The following FBXW4 variants were observed in gnomAD, a reference collection of about 807,000 sequenced individuals.
FBXW4 encodes F-box and WD repeat domain containing 4.
A neutral mutation model predicts 61.8 loss-of-function variants in FBXW4; 40 were observed. The observed-to-expected ratio is 0.65, with a 90% CI of 0.50 to 0.84. The LOEUF is 0.84. Among genes scored for constraint, FBXW4 ranks in the 40% least tolerant of loss-of-function variants. FBXW4 has a pLI of 0.00. For missense variants in FBXW4, 672 were observed against 753.8 expected (o/e 0.89, Z 1.27); for synonymous variants, 311 against 313.8 (o/e 0.99, Z 0.10).
At chr10:101,625,135 C>T (rs1210873551) in intron 5 of FBXW4, 3 of 300,942 alleles carry the variant, frequency 1.0e-5, no homozygotes, top group Non-Finnish European at 1.9e-5. Context: ...GAGAGCGAGC[C>T]TGTCGGGCTC....
rs934045126 is a variant in FBXW4, at chr10:101,624,808, G to C, written c.1238C>G (p.Ser413Cys). Residue 413 changes from serine (S) to cysteine (C), a missense_variant and splice_region_variant, in exon 6 of 9, where the codon TCT (serine) becomes TGT (cysteine). Coordinates refer to ENST00000331272, the MANE Select transcript of FBXW4 (RefSeq NM_022039.4). ...WSIAISPLLS[S>C]FVTGTACCGH... ...GCAACAAGCCGTCCCTGTCACAAAA[G>C]AGCTGCCAAACAAAAGGAGAACAAA... 8.1e-6 allele frequency: 13 copies of C among 1,614,146 alleles called. No homozygotes were observed. Among genetic ancestry groups the C allele is most frequent in the African/African-American group, 2.7e-5 (2 of 74,958 alleles).
intron 6 of FBXW4, 33 bp downstream of exon 6, chr10:101,624,712 C>T: frequency 6.2e-7 from 1 of 1,612,796 alleles, no homozygotes; most frequent in Non-Finnish European, 8.5e-7. Flanking sequence ...ACCTCCTGGA[C>T]TGGAAGCCAG....
At chr10:101,646,598 C>G (rs1024881727) in intron 5 of FBXW4, among the ~76,000 whole-genome samples, 6 of 152,206 alleles carry the variant, frequency 3.9e-5, no homozygotes, top group Non-Finnish European at 2.9e-5. Flanking sequence ...GCCGGGAAGG[C>G]CAGGGGACGC....
At chr10:101,683,910 G>A (rs952577305) in intron 1 of FBXW4, among the ~76,000 whole-genome samples, 1 of 152,210 alleles carries the variant, frequency 6.6e-6, no homozygotes, top group Non-Finnish European at 1.5e-5. Flanking sequence ...CCAGGCCAAG[G>A]AGGGGAAAAC....
chr10:101,679,728 C>T (rs1239535814), intron 1 of FBXW4, among the ~76,000 whole-genome samples: 2 of 151,946 alleles, frequency 1.3e-5, no homozygotes, highest in Non-Finnish European at 2.9e-5. Context: ...TTTTCTTTTT[C>T]CTTTTTAAAA....
At chr10:101,671,450 C>A (rs1458080636) in intron 4 of FBXW4, among the ~76,000 whole-genome samples, 2 of 151,970 alleles carry the variant, frequency 1.3e-5, no homozygotes, top group Non-Finnish European at 1.5e-5. Context: ...TGAAATTAAC[C>A]CAGTATCTCA....
chr10:101,642,660 G>A (rs1377311793), intron 5 of FBXW4, among the ~76,000 whole-genome samples: 4 of 152,174 alleles, frequency 2.6e-5, no homozygotes, highest in Admixed American at 6.5e-5. Context: ...TTCTACCTCT[G>A]AAGCCTCCTT....
chr10:101,675,348 C>T (rs773907681), intron 2 of FBXW4, among the ~76,000 whole-genome samples: 1 of 152,116 alleles, frequency 6.6e-6, no homozygotes, highest in Non-Finnish European at 1.5e-5. Context: ...GGACAAGAAA[C>T]CAGGTTCATG....
chr10:101,613,146 C>T (rs1358058965), intron 6 of FBXW4: 1 of 152,284 alleles, frequency 6.6e-6, no homozygotes, highest in African/African-American at 2.4e-5. Context: ...CCTGCTCCCC[C>T]CACCCTCACC....
At chr10:101,679,617 A>G (rs893136282) in intron 1 of FBXW4, among the ~76,000 whole-genome samples, 3 of 152,242 alleles carry the variant, frequency 2.0e-5, no homozygotes, top group African/African-American at 7.2e-5. Flanking sequence ...CATGGCTAGA[A>G]AGAACACTGG....
intron 1 of FBXW4, among the ~76,000 whole-genome samples, chr10:101,681,336 C>T (rs1201743793): frequency 2.0e-5 from 3 of 148,384 alleles, no homozygotes; most frequent in South Asian, 2.1e-4. Flanking sequence ...TGCAGTGAGC[C>T]GAGATTACAC....
chr10:101,647,522 C>T (rs529675263), intron 5 of FBXW4, among the ~76,000 whole-genome samples: 27 of 152,264 alleles, frequency 1.8e-4, no homozygotes, highest in South Asian at 6.2e-4. Context: ...GCTTTGGAAT[C>T]GATTTTTTTT....
In FBXW4 at chr10:101,612,397, G is replaced by A; in HGVS notation, c.1382C>T (p.Thr461Ile). Residue 461 changes from threonine (T) to isoleucine (I), a missense_variant, in exon 7 of 9, where the codon ACA becomes ATA. Physicochemically the swap from Thr to Ile is moderately conservative, Grantham distance 89. Coordinates refer to ENST00000331272, the MANE Select transcript of FBXW4 (RefSeq NM_022039.4). ...VLDVMYESPF[T>I]LLSCGYDTYV... ...GGTGTCATAGCCACAGGACAGCAGTGTGAAAGGGGACTCATACATGACATC... is the reference window on the plus strand; with the variant it reads ...GGTGTCATAGCCACAGGACAGCAGTATGAAAGGGGACTCATACATGACATC... 3 of 1,601,550 alleles carry A rather than the reference G, an allele frequency of 1.9e-6. No individual in the cohort carries two copies. The highest frequency in any genetic ancestry group is 2.6e-6 in the Non-Finnish European group (3 of 1,173,690).
chr10:101,653,476 C>T (rs1287423638), intron 5 of FBXW4, among the ~76,000 whole-genome samples: 1 of 152,214 alleles, frequency 6.6e-6, no homozygotes, highest in Non-Finnish European at 1.5e-5. Flanking sequence ...CCCAAACCTA[C>T]CTTTAGCTTC....
Position 101,611,265 on chromosome 10 carries a change from C to A in FBXW4, c.*26G>T, listed in dbSNP as rs1405421438. ...GTCCCTGAGTAGCTGGTTTCCCTGG[C>A]CCAGAGGCAGGGGTGGCCCTGACGG... On this transcript the variant is annotated 3_prime_UTR_variant, in exon 9 of 9. Coordinates refer to ENST00000331272, the MANE Select transcript of FBXW4 (RefSeq NM_022039.4). This position sits in a 1 kb window ranked among gnomAD's most constrained non-coding sequence, Gnocchi z 4.9. The A allele has an allele frequency of 1.2e-6, 2 of 1,608,426 alleles. No individual in the cohort carries two copies. The highest frequency in any genetic ancestry group is 1.1e-5 in the South Asian group (1 of 89,938).
At chr10:101,671,548 T>C (rs1345075520) in intron 4 of FBXW4, among the ~76,000 whole-genome samples, 2 of 152,142 alleles carry the variant, frequency 1.3e-5, no homozygotes, top group African/African-American at 4.8e-5. Context: ...TATACTGTTC[T>C]GGGTGTCAGA....
intron 1 of FBXW4, among the ~76,000 whole-genome samples, chr10:101,690,186 A>T (rs1344558884): frequency 6.6e-6 from 1 of 152,202 alleles, no homozygotes; most frequent in African/African-American, 2.4e-5. Flanking sequence ...GAATTTGCAG[A>T]TAGCGCTCCT....
intron 1 of FBXW4, among the ~76,000 whole-genome samples, chr10:101,681,287 C>T (rs1010723461): frequency 2.6e-5 from 4 of 151,576 alleles, no homozygotes; most frequent in African/African-American, 4.9e-5. Context: ...ACTCGGGAGG[C>T]TAAGGCAAGA....
chr10:101,689,133 G>GC (rs1475392291), intron 1 of FBXW4, among the ~76,000 whole-genome samples: 1 of 10,850 alleles, frequency 9.2e-5, no homozygotes, highest in Non-Finnish European at 2.1e-4. Flanking sequence ...GGTTCCAGGT[G>GC]CAAAAAAAAA....
Sources: gnomAD v4.1 joint callset for allele counts (sites outside exome capture counted in the v4.1 genomes callset) on GRCh38, gnomAD v4.1.1 for gene constraint, Gnocchi (gnomAD v3.1) non-coding constraint, MANE v1.5 for transcripts, NCBI Gene and HGNC (gene_info 2026-07-23, HGNC 2026-07-21) for gene names.